The following PDE10A variants were observed in gnomAD, a reference collection of about 807,000 sequenced individuals.
The protein encoded by PDE10A is cAMP and cAMP-inhibited cGMP 3',5'-cyclic phosphodiesterase 10A.
A neutral mutation model predicts 97.7 loss-of-function variants in PDE10A; 39 were observed. The ratio of observed to expected loss-of-function variants is 0.40; its 90% CI spans 0.31 to 0.52. The LOEUF (loss-of-function observed/expected upper bound fraction) is 0.52, where lower values mean the gene tolerates loss of function less well. Among genes scored for constraint, PDE10A ranks in the 20% least tolerant of loss-of-function variants. PDE10A has a pLI of 0.56. For synonymous variants in PDE10A, 371 were observed against 376.8 expected (o/e 0.98, Z 0.18); for missense variants, 731 against 1,047.8 (o/e 0.70, Z 4.17).
intron 1 of PDE10A, chr6:165,948,378 C>G (rs1056398144): frequency 1.3e-5 from 2 of 152,088 alleles, no homozygotes; most frequent in African/African-American, 4.8e-5. Flanking sequence ...TTCTCCCTTC[C>G]TGGGGAGGAG....
rs111557580 is a variant in PDE10A at position 165,758,545 on chromosome 6, GGAAGAA to G, written c.-614-214983_-614-214978del. On this transcript the variant is annotated intron_variant, in intron 1 of 19. Transcript: ENST00000366882. ...AAGAAGAAGAAGAGGAAGAGGAAGA[GGAAGAA>G]GAAGAGGAAGAGGAAGAAGAAGAGG... Among the ~76,000 whole-genome samples, 20 of 114,818 alleles carry G rather than the reference GGAAGAA, an allele frequency of 1.7e-4. No homozygotes were observed. The East Asian group carries it at 2.5e-3, about 14-fold the overall frequency. 75.3% of individuals were successfully genotyped at this position (114,818 alleles called of 152,430 possible). A position where few individuals can be genotyped will look rare whatever the true frequency, so the allele number is the denominator to read the frequency against.
intron 1 of PDE10A, among the ~76,000 whole-genome samples, chr6:165,604,333 G>A (rs540897719): frequency 9.2e-5 from 14 of 152,170 alleles, no homozygotes; most frequent in African/African-American, 2.6e-4. Context: ...AATCATTGGC[G>A]ATAGTTTCGA....
At chr6:165,878,058 A>G (rs1413008265) in intron 1 of PDE10A, among the ~76,000 whole-genome samples, 1 of 152,164 alleles carries the variant, frequency 6.6e-6, no homozygotes, top group Non-Finnish European at 1.5e-5. Flanking sequence ...AAATAACTGA[A>G]GATACCACTT....
chr6:165,390,583 A>T (rs1785637200), intron 16 of PDE10A, among the ~76,000 whole-genome samples: 1 of 152,186 alleles, frequency 6.6e-6, no homozygotes, highest in Non-Finnish European at 1.5e-5. Flanking sequence ...AGTGGGAAGC[A>T]CTGGTAGGCA....
At chr6:165,795,641 A>C (rs1331532272) in intron 1 of PDE10A, among the ~76,000 whole-genome samples, 1 of 152,088 alleles carries the variant, frequency 6.6e-6, no homozygotes, top group Non-Finnish European at 1.5e-5. Flanking sequence ...AATTCCAGCT[A>C]CTCGGGAGGC....
At chr6:165,480,882 C>T (rs935109157) in intron 3 of PDE10A, among the ~76,000 whole-genome samples, 2 of 152,026 alleles carry the variant, frequency 1.3e-5, no homozygotes, top group Non-Finnish European at 2.9e-5. Flanking sequence ...TTCAAAAAAA[C>T]GTTATAGAGA....
At chr6:165,728,446 C>A (rs1335895165) in intron 1 of PDE10A, among the ~76,000 whole-genome samples, 1 of 152,132 alleles carries the variant, frequency 6.6e-6, no homozygotes, top group East Asian at 1.9e-4. Flanking sequence ...CCATTTGGAG[C>A]TTGCCAGAAA....
At chr6:165,777,269 A>G (rs1311694838) in intron 1 of PDE10A, among the ~76,000 whole-genome samples, 3 of 152,186 alleles carry the variant, frequency 2.0e-5, no homozygotes, top group Non-Finnish European at 2.9e-5. Context: ...CTTTTCTAGA[A>G]TGTTTATTTG....
At chr6:165,398,495 CTCT>C (rs1269755637) in intron 13 of PDE10A, among the ~76,000 whole-genome samples, 104 of 99,318 alleles carry the variant, frequency 1.0e-3, no homozygotes, top group Admixed American at 5.5e-3. Context: ...CTCTCTCTCT[CTCT>C]CAAAAAAAAA....
chr6:165,486,843 G>T (rs1462901171), intron 2 of PDE10A, among the ~76,000 whole-genome samples: 1 of 152,244 alleles, frequency 6.6e-6, no homozygotes, highest in Non-Finnish European at 1.5e-5. Flanking sequence ...AATGACAGCT[G>T]TGTTCAAGTC....
intron 1 of PDE10A, among the ~76,000 whole-genome samples, chr6:165,659,686 G>C (rs1790139288): frequency 6.6e-6 from 1 of 152,186 alleles, no homozygotes; most frequent in East Asian, 1.9e-4. Flanking sequence ...GTGGGGCGAG[G>C]GGGCCTTTCT....
chr6:165,795,454 G>A (rs369945244), intron 1 of PDE10A, among the ~76,000 whole-genome samples: 12 of 152,190 alleles, frequency 7.9e-5, no homozygotes, highest in Admixed American at 1.3e-4. Context: ...GGCTGGGCGC[G>A]GTGGCTCATA....
chr6:165,538,438 T>C (rs1397517612), intron 2 of PDE10A, among the ~76,000 whole-genome samples: 4 of 152,196 alleles, frequency 2.6e-5, no homozygotes, highest in Non-Finnish European at 5.9e-5. Context: ...AATTTTCAAA[T>C]GATTGTGGGT....
In PDE10A at chr6:165,711,374, A is replaced by T. The variant is rs139904883; in HGVS notation, c.-614-167806T>A. On this transcript the variant is annotated intron_variant, in intron 1 of 19. Coordinates refer to the PDE10A transcript ENST00000366882. The surrounding 1 kb of genome is among the most constrained non-coding windows in gnomAD (Gnocchi z 4.5). ...AGCTGTGGTCTGGATGCCGTGCTGC[A>T]CGTGCAAACACAGGTCCTAATGCTT... Among the ~76,000 whole-genome samples the T allele has an allele frequency of 5.3e-5, 8 of 152,316 alleles. No individual in the cohort carries two copies. The highest frequency in any genetic ancestry group is 1.9e-4 in the African/African-American group (8 of 41,584).
intron 1 of PDE10A, among the ~76,000 whole-genome samples, chr6:165,900,885 A>G (rs1335119729): frequency 6.6e-6 from 1 of 152,186 alleles, no homozygotes; most frequent in Non-Finnish European, 1.5e-5. Context: ...AACTAACCAG[A>G]CTAATGATAA....
intron 18 of PDE10A, among the ~76,000 whole-genome samples, chr6:165,355,780 AAAAAC>A (rs371802229): frequency 5.1e-4 from 77 of 152,318 alleles, no homozygotes; most frequent in African/African-American, 1.8e-3. Flanking sequence ...AAAACAAAAT[AAAAAC>A]AAAACAACTA....
chr6:165,438,200 T>A lies in PDE10A; in HGVS notation c.1195-2823A>T, dbSNP rs539387785. Among the ~76,000 whole-genome samples the A allele has an allele frequency of 7.2e-5, 11 of 152,294 alleles. No individual in the cohort carries two copies. The East Asian group carries it at 2.1e-3, about 29-fold the overall frequency. On this transcript the variant is annotated intron_variant, in intron 5 of 21. Transcript: ENST00000539869. ...TTTTTTAATTTTTAATTTTTAATTT[T>A]TTTTTGAGACGGAGTTTCACTCTTG... is the stretch of plus-strand genomic sequence containing the variant.
chr6:165,958,688 A>AAG (rs1159232060), intron 1 of PDE10A, among the ~76,000 whole-genome samples: 15 of 141,156 alleles, frequency 1.1e-4, no homozygotes, highest in Admixed American at 3.5e-4. Context: ...GAAGGAAAGA[A>AAG]AGAAAGAGAA....
chr6:165,383,767 A>C (rs570907213), intron 17 of PDE10A, among the ~76,000 whole-genome samples: 1 of 152,298 alleles, frequency 6.6e-6, no homozygotes, highest in African/African-American at 2.4e-5. Context: ...TGTTAAAAAC[A>C]AAAAAACAAA....
Sources: gnomAD v4.1 joint callset for allele counts (sites outside exome capture counted in the v4.1 genomes callset) on GRCh38, gnomAD v4.1.1 for gene constraint, Gnocchi (gnomAD v3.1) non-coding constraint, MANE v1.5 for transcripts, NCBI Gene and HGNC (gene_info 2026-07-23, HGNC 2026-07-21) for gene names.